Variants in PRKAR2B observed in about 807,000 individuals in gnomAD.
PRKAR2B encodes cAMP-dependent protein kinase type II-beta regulatory subunit.
Under a neutral mutation model 49.9 loss-of-function variants are expected in PRKAR2B, and 14 were observed. The observed-to-expected ratio is 0.28, with a 90% CI of 0.19 to 0.44. The LOEUF is 0.44. Among genes scored for constraint, PRKAR2B ranks in the 20% least tolerant of loss-of-function variants. The pLI is 1.00. For missense variants in PRKAR2B, 393 were observed against 537.9 expected (o/e 0.73, Z 2.67); for synonymous variants, 196 against 197.7 (o/e 0.99, Z 0.07).
chr7:107,119,342 AGGGCCGTGCATTT>A (rs1464968120), intron 2 of PRKAR2B, among the ~76,000 whole-genome samples: 1 of 152,188 alleles, frequency 6.6e-6, no homozygotes, highest in African/African-American at 2.4e-5. Flanking sequence ...TGCACTCACG[AGGGCCGTGCATTT>A]GGTTTAATGC....
In PRKAR2B at chr7:107,159,741, T is replaced by G; in HGVS notation, c.*159T>G. 1.6e-6 allele frequency: 1 copy of G among 631,406 alleles called. No homozygotes were observed. The highest frequency in any genetic ancestry group is 2.5e-6 in the Non-Finnish European group (1 of 393,238). The allele number at this position is 631,406 out of a possible 1,614,324, so 39.1% of individuals were successfully genotyped here. A position where few individuals can be genotyped will look rare whatever the true frequency, so the allele number is the denominator to read the frequency against. On this transcript the variant is annotated 3_prime_UTR_variant, in exon 11 of 11. Transcript: ENST00000265717. ...TCAATAAACAGTAGTGATTTAATAG[T>G]CAATAGGCTTTAACATCACTTTCTA...
Position 107,122,001 on chromosome 7 carries a change from C to T in PRKAR2B, c.393C>T (p.Ser131=), listed in dbSNP as rs1275371277. 3 of 1,586,136 alleles carry T rather than the reference C, an allele frequency of 1.9e-6. No individual in the cohort carries two copies. The African/African-American group carries it at 4.1e-5, about 21-fold the overall frequency. ...NPDEEEDDAE[S]RIIHPKTDDQ... is the part of the protein sequence containing the mutation. ...ATGAAGAAGAAGATGATGCAGAGTC[C>T]AGGGTATGTAATTTACTGAATGAAT... The change falls in exon 3 of 11, where the codon TCC becomes TCT. Residue 131 remains serine, a synonymous_variant. Coordinates refer to ENST00000265717, the MANE Select transcript of PRKAR2B (RefSeq NM_002736.3).
intron 2 of PRKAR2B, among the ~76,000 whole-genome samples, chr7:107,107,513 CCCT>C (rs1795094775): frequency 6.6e-6 from 1 of 151,936 alleles, no homozygotes; most frequent in African/African-American, 2.4e-5. Flanking sequence ...CCCGTTGTCC[CCCT>C]AACAGGGATC....
intron 1 of PRKAR2B, among the ~76,000 whole-genome samples, chr7:107,053,471 T>G (rs1478665309): frequency 6.6e-6 from 1 of 151,952 alleles, no homozygotes; most frequent in African/African-American, 2.4e-5. Flanking sequence ...TAGTAATATA[T>G]AAAGTAGCCA....
rs1793936331 is a variant in PRKAR2B, at chr7:107,057,376, C to A, written c.307+12162C>A. Among the ~76,000 whole-genome samples, 4 of 150,896 alleles carry A rather than the reference C, an allele frequency of 2.7e-5. No individual in the cohort carries two copies. The South Asian group carries it at 8.3e-4, about 31-fold the overall frequency. On this transcript the variant is annotated intron_variant, in intron 1 of 10. Coordinates refer to ENST00000265717, the MANE Select transcript of PRKAR2B (RefSeq NM_002736.3). The stretch of plus-strand genomic sequence containing the variant: ...GTGATGTCATTCTTTTTTTTTTTTC[C>A]CACTCCACTAATTTTCATAAACGTG...
chr7:107,159,384 A>G (rs1458260845), intron 10 of PRKAR2B, 65 bp from the exon 11 acceptor site: 1 of 1,544,808 alleles, frequency 6.5e-7, no homozygotes, highest in African/African-American at 1.4e-5. Flanking sequence ...GGTATTGTAA[A>G]TGACTTAGAA....
chr7:107,048,668 T>C (rs1584399054), intron 1 of PRKAR2B, among the ~76,000 whole-genome samples: 1 of 152,324 alleles, frequency 6.6e-6, no homozygotes, highest in Admixed American at 6.5e-5. Context: ...CGGTGATTTT[T>C]GAGGGTCAGG....
chr7:107,072,754 AT>A (rs1406752848), intron 2 of PRKAR2B, among the ~76,000 whole-genome samples: 7 of 151,582 alleles, frequency 4.6e-5, no homozygotes, highest in Non-Finnish European at 8.8e-5. Flanking sequence ...AGAAATGATT[AT>A]TTTCTCAAAA....
chr7:107,081,255 T>A (rs1487364144), intron 2 of PRKAR2B, among the ~76,000 whole-genome samples: 2 of 152,184 alleles, frequency 1.3e-5, no homozygotes, highest in Admixed American at 1.3e-4. Flanking sequence ...AAATGTAACA[T>A]CCTTTAGCTT....
intron 2 of PRKAR2B, among the ~76,000 whole-genome samples, chr7:107,111,282 C>A (rs1259230187): frequency 6.6e-6 from 1 of 152,214 alleles, no homozygotes; most frequent in Non-Finnish European, 1.5e-5. Flanking sequence ...TGACTGTAGT[C>A]CCTGGCTTGC....
intron 7 of PRKAR2B, among the ~76,000 whole-genome samples, 157 bp downstream of exon 7, chr7:107,151,180 T>C (rs1365530013): frequency 2.0e-5 from 3 of 152,248 alleles, no homozygotes; most frequent in Admixed American, 2.0e-4. Context: ...TTATAACTCA[T>C]TGTTTCTTCT....
chr7:107,138,584 T>C (rs1014355143), intron 4 of PRKAR2B, among the ~76,000 whole-genome samples: 3 of 149,520 alleles, frequency 2.0e-5, no homozygotes, highest in African/African-American at 7.5e-5. Context: ...AGTCTCACTC[T>C]GTTGCCAGGC....
chr7:107,059,716 G>GTA (rs1793989418), intron 1 of PRKAR2B, among the ~76,000 whole-genome samples: 1 of 151,908 alleles, frequency 6.6e-6, no homozygotes, highest in Non-Finnish European at 1.5e-5. Context: ...GTGTGTGTGT[G>GTA]TGTATGTGTG....
At chr7:107,150,031 T>G (rs568852531) in intron 6 of PRKAR2B, among the ~76,000 whole-genome samples, 1 of 152,230 alleles carries the variant, frequency 6.6e-6, no homozygotes. Context: ...ATTAAAATAT[T>G]GGCATAGTAA....
chr7:107,098,157 C>T (rs1408210292), intron 2 of PRKAR2B, among the ~76,000 whole-genome samples: 1 of 152,182 alleles, frequency 6.6e-6, no homozygotes, highest in Non-Finnish European at 1.5e-5. Context: ...CAATCAGACG[C>T]AGATTTGGTC....
At chr7:107,084,852 C>T (rs1230493298) in intron 2 of PRKAR2B, among the ~76,000 whole-genome samples, 8 of 151,910 alleles carry the variant, frequency 5.3e-5, no homozygotes, top group African/African-American at 1.7e-4. Context: ...GTCTCGATCT[C>T]CTGACCTGGT....
chr7:107,147,717 G>A (rs1421233643), intron 6 of PRKAR2B, among the ~76,000 whole-genome samples: 1 of 152,236 alleles, frequency 6.6e-6, no homozygotes, highest in Non-Finnish European at 1.5e-5. Flanking sequence ...AATGTTTACA[G>A]TATATGTATT....
intron 1 of PRKAR2B, chr7:107,067,000 CAGTATTAG>C (rs1379251102): frequency 1.3e-5 from 2 of 152,254 alleles, no homozygotes; most frequent in Admixed American, 1.3e-4. Flanking sequence ...GCAATGTGGC[CAGTATTAG>C]AGCCCAAGGC....
chr7:107,071,985 C>T (rs1213699237), intron 2 of PRKAR2B, among the ~76,000 whole-genome samples: 1 of 151,574 alleles, frequency 6.6e-6, no homozygotes, highest in African/African-American at 2.4e-5. Flanking sequence ...AGGAGAATGG[C>T]GTGAACCCGG....
Sources: gnomAD v4.1 joint callset for allele counts (sites outside exome capture counted in the v4.1 genomes callset) on GRCh38, gnomAD v4.1.1 for gene constraint, MANE v1.5 for transcripts, NCBI Gene and HGNC (gene_info 2026-07-23, HGNC 2026-07-21) for gene names.